The following CAMK4 variants were observed in gnomAD, a reference collection of about 807,000 sequenced individuals.
The protein encoded by CAMK4 is calcium/calmodulin dependent protein kinase IV.
A neutral mutation model predicts 44.9 loss-of-function variants in CAMK4; 22 were observed. That is an observed-to-expected ratio of 0.49 (90% confidence interval 0.35 to 0.70). CAMK4 has a LOEUF of 0.70. Ranked by LOEUF, CAMK4 falls within the 30% of genes least tolerant of loss-of-function variation. The pLI is 0.01. For missense variants in CAMK4, 498 were observed against 586.8 expected (o/e 0.85, Z 1.56); for synonymous variants, 218 against 215.4 (o/e 1.01, Z -0.11).
rs1353224853 is a variant in CAMK4, at chr5:111,486,507, A to ACACACC, written c.*2046_*2047insCCACAC. ...TTTTTACCATGAGACTGAAACACAC[A>ACACACC]CACACACACACACACACACACACAC... is the stretch of plus-strand genomic sequence containing the variant. On this transcript the variant is annotated 3_prime_UTR_variant, in exon 11 of 11. Coordinates refer to ENST00000282356, the MANE Select transcript of CAMK4 (RefSeq NM_001744.6). 10 of 78,210 alleles carry ACACACC rather than the reference A, an allele frequency of 1.3e-4. No individual in the cohort carries two copies. In the South Asian group the frequency reaches 4.2e-3, roughly 33 times the overall value. 4.8% of individuals were successfully genotyped at this position (78,210 alleles called of 1,614,324 possible).
At chr5:111,250,567 AGTATACTGT>A (rs891795797) in intron 1 of CAMK4, among the ~76,000 whole-genome samples, 3 of 152,132 alleles carry the variant, frequency 2.0e-5, no homozygotes, top group African/African-American at 7.2e-5. Flanking sequence ...TCCACTTCCC[AGTATACTGT>A]TTCTCCTTCT....
At chr5:111,330,959 C>CA (rs913968797) in intron 1 of CAMK4, among the ~76,000 whole-genome samples, 10 of 150,982 alleles carry the variant, frequency 6.6e-5, no homozygotes, top group African/African-American at 1.7e-4. Context: ...ATACCACAAA[C>CA]AAAAAAAATT....
At chr5:111,443,279 TACACACACACACACACACAC>T (rs60644060) in intron 5 of CAMK4, among the ~76,000 whole-genome samples, 3 of 37,462 alleles carry the variant, frequency 8.0e-5, no homozygotes, top group Admixed American at 3.9e-4. Context: ...TATATATATA[TACACACACACACACACACAC>T]ACACACACAC....
intron 5 of CAMK4, among the ~76,000 whole-genome samples, chr5:111,401,131 C>CTCTCT (rs915659185): frequency 7.2e-5 from 11 of 152,244 alleles, no homozygotes; most frequent in East Asian, 3.9e-4. Context: ...CTCTGCTCTT[C>CTCTCT]TCTCTTCTCT....
chr5:111,329,069 C>T (rs1749035558), intron 1 of CAMK4, among the ~76,000 whole-genome samples: 1 of 151,848 alleles, frequency 6.6e-6, no homozygotes, highest in African/African-American at 2.4e-5. Context: ...AAGGCTGGTT[C>T]AACATATGCA....
intron 1 of CAMK4, among the ~76,000 whole-genome samples, chr5:111,317,659 C>A (rs1748481348): frequency 6.6e-6 from 1 of 151,732 alleles, no homozygotes. Flanking sequence ...GATGAGTAAT[C>A]TGATGGTCAA....
chr5:111,296,634 A>G (rs1747494750), intron 1 of CAMK4, among the ~76,000 whole-genome samples: 1 of 152,224 alleles, frequency 6.6e-6, no homozygotes, highest in African/African-American at 2.4e-5. Flanking sequence ...ATAGATAGAC[A>G]AATAACCCGT....
rs901449486 is a variant in CAMK4 at position 111,486,198 on chromosome 5, C to G, written c.*1732C>G. 1 of 152,088 alleles carries G rather than the reference C, an allele frequency of 6.6e-6. No individual in the cohort carries two copies. Among genetic ancestry groups the G allele is most frequent in the Non-Finnish European group, 1.5e-5 (1 of 68,010 alleles). 9.4% of individuals were successfully genotyped at this position (152,088 alleles called of 1,614,324 possible). A position where few individuals can be genotyped will look rare whatever the true frequency, so the allele number is the denominator to read the frequency against. ...CTCATGGGAAGAAAACAAGGTAGGACTTCTTATCTTTCATAGTTTAAGAAT... is the reference window on the plus strand; with the variant it reads ...CTCATGGGAAGAAAACAAGGTAGGAGTTCTTATCTTTCATAGTTTAAGAAT... On this transcript the variant is annotated 3_prime_UTR_variant, in exon 11 of 11. Transcript: ENST00000282356.
intron 2 of CAMK4, among the ~76,000 whole-genome samples, chr5:111,344,371 C>T (rs1749778473): frequency 6.6e-6 from 1 of 150,938 alleles, no homozygotes; most frequent in Non-Finnish European, 1.5e-5. Context: ...CCTTATTTTG[C>T]ATATCAGGCA....
intron 5 of CAMK4, among the ~76,000 whole-genome samples, chr5:111,421,118 T>C (rs1435005663): frequency 6.6e-6 from 1 of 152,198 alleles, no homozygotes; most frequent in Non-Finnish European, 1.5e-5. Context: ...GGGGAACTAA[T>C]AAATGTCCAT....
chr5:111,358,602 A>G (rs1222956978), intron 2 of CAMK4, among the ~76,000 whole-genome samples: 1 of 150,744 alleles, frequency 6.6e-6, no homozygotes, highest in Non-Finnish European at 1.5e-5. Context: ...GGGGATACAT[A>G]TGCAGGTTTG....
chr5:111,269,785 T>C (rs1432466015), intron 1 of CAMK4, among the ~76,000 whole-genome samples: 1 of 152,158 alleles, frequency 6.6e-6, no homozygotes, highest in Non-Finnish European at 1.5e-5. Context: ...CTTCTTGTAC[T>C]TGTGGGTCTG....
chr5:111,282,009 A>T (rs974906968), intron 1 of CAMK4, among the ~76,000 whole-genome samples: 1 of 151,428 alleles, frequency 6.6e-6, no homozygotes, highest in Non-Finnish European at 1.5e-5. Context: ...CAGTGAGCCG[A>T]GATTGCGCCA....
intron 1 of CAMK4, among the ~76,000 whole-genome samples, chr5:111,303,860 C>T (rs1747839856): frequency 7.3e-6 from 1 of 136,628 alleles, no homozygotes; most frequent in Admixed American, 7.1e-5. Flanking sequence ...GTCGGGTTAC[C>T]CTCAAAGGAA....
chr5:111,473,597 G>T (rs1163201559), intron 8 of CAMK4, among the ~76,000 whole-genome samples: 1 of 152,098 alleles, frequency 6.6e-6, no homozygotes, highest in Admixed American at 6.6e-5. Context: ...CTTGTCCAGG[G>T]CTTTCCTATG....
At chr5:111,383,753 C>T (rs1202208564) in intron 4 of CAMK4, among the ~76,000 whole-genome samples, 3 of 151,944 alleles carry the variant, frequency 2.0e-5, no homozygotes, top group Non-Finnish European at 2.9e-5. Flanking sequence ...GCATGAGTCA[C>T]CCCGCCCAGC....
intron 7 of CAMK4, among the ~76,000 whole-genome samples, chr5:111,471,848 A>C (rs1755076660): frequency 6.6e-6 from 1 of 152,104 alleles, no homozygotes; most frequent in African/African-American, 2.4e-5. Context: ...CTGTATGGTA[A>C]ATCCACAGTC....
At chr5:111,368,440 T>A (rs1227415215) in intron 2 of CAMK4, among the ~76,000 whole-genome samples, 1 of 152,112 alleles carries the variant, frequency 6.6e-6, no homozygotes, top group Non-Finnish European at 1.5e-5. Context: ...ATGAGAAGAA[T>A]ATTGGAAAGG....
chr5:111,239,044 T>C (rs1359212021), intron 1 of CAMK4, among the ~76,000 whole-genome samples: 1 of 151,820 alleles, frequency 6.6e-6, no homozygotes. Flanking sequence ...ACGGGATTTT[T>C]TGTTGCCAAC....
Sources: gnomAD v4.1 joint callset for allele counts (sites outside exome capture counted in the v4.1 genomes callset) on GRCh38, gnomAD v4.1.1 for gene constraint, MANE v1.5 for transcripts, NCBI Gene and HGNC (gene_info 2026-07-23, HGNC 2026-07-21) for gene names.